Variants in SNAP91 observed in about 807,000 individuals in gnomAD.
SNAP91 encodes synaptosome associated protein 91, also known as clathrin coat assembly protein AP180.
SNAP91 carries 27 observed loss-of-function variants against 100.3 expected under a neutral mutation model. The ratio of observed to expected loss-of-function variants is 0.27; its 90% CI spans 0.20 to 0.37. The LOEUF is 0.37. Among genes scored for constraint, SNAP91 ranks in the 10% least tolerant of loss-of-function variants. SNAP91 has a pLI of 1.00. For missense variants in SNAP91, 986 were observed against 1,123.7 expected, an observed-to-expected ratio of 0.88 and a Z score of 1.75; for synonymous variants, 404 against 398.6, an observed-to-expected ratio of 1.01 and a Z score of -0.16.
rs761023763 is a variant in SNAP91 at position 83,594,431 on chromosome 6, C to T, written c.1375G>A (p.Ala459Thr). 223 of 1,551,726 alleles carry T rather than the reference C, an allele frequency of 1.4e-4. No homozygotes were observed. Among genetic ancestry groups the T allele is most frequent in the Non-Finnish European group, 7.2e-5 (83 of 1,147,178 alleles). Reference protein sequence around the residue: ...GEAPAASEGAAAPATPTPVAA... With the variant: ...GEAPAASEGATAPATPTPVAA... ...ACAGGGGTTGGGGTAGCTGGTGCGGCGGCCCCTTCGGATGCTGCAGGGGCC... is the reference window on the plus strand; with the variant it reads ...ACAGGGGTTGGGGTAGCTGGTGCGGTGGCCCCTTCGGATGCTGCAGGGGCC... The change falls in exon 17 of 30, where the codon GCC (alanine) becomes ACC (threonine). Residue 459 changes from alanine to threonine, a missense_variant. Transcript: ENST00000369694.
intron 26 of SNAP91, among the ~76,000 whole-genome samples, chr6:83,573,612 C>T (rs982564751): frequency 1.3e-5 from 2 of 152,042 alleles, no homozygotes; most frequent in African/African-American, 2.4e-5. Flanking sequence ...AGATATAGAC[C>T]AATGGAACAG....
chr6:83,627,852 TTTATTTAA>T, intron 8 of SNAP91, among the ~76,000 whole-genome samples: 1 of 151,952 alleles, frequency 6.6e-6, no homozygotes, highest in Non-Finnish European at 1.5e-5. Flanking sequence ...CATTTATTTA[TTTATTTAA>T]TTTCCATAGG....
chr6:83,656,923 G>T, intron 6 of SNAP91, 58 bp from the exon 7 acceptor site: 1 of 733,190 alleles, frequency 1.4e-6, no homozygotes, highest in Non-Finnish European at 2.2e-6. Context: ...AATTTTTCTT[G>T]AATCACATTA....
chr6:83,687,365 T>C (rs2099074257), intron 2 of SNAP91, among the ~76,000 whole-genome samples: 1 of 152,216 alleles, frequency 6.6e-6, no homozygotes, highest in African/African-American at 2.4e-5. Context: ...GCCATATGTT[T>C]GTGATGAAAT....
At chr6:83,694,684 T>C (rs1255330440) in intron 2 of SNAP91, among the ~76,000 whole-genome samples, 1 of 152,156 alleles carries the variant, frequency 6.6e-6, no homozygotes, top group Non-Finnish European at 1.5e-5. Flanking sequence ...ATGGAATAGG[T>C]ACTTCACTAC....
chr6:83,586,362 C>A (rs570587619), intron 22 of SNAP91, among the ~76,000 whole-genome samples: 1 of 152,314 alleles, frequency 6.6e-6, no homozygotes, highest in East Asian at 1.9e-4. Context: ...CAAAGGGCCT[C>A]ATAGGCTGGA....
chr6:83,602,299 A>C (rs1439055857), intron 14 of SNAP91, among the ~76,000 whole-genome samples: 1 of 152,206 alleles, frequency 6.6e-6, no homozygotes, highest in Non-Finnish European at 1.5e-5. Context: ...AACAGGAAAA[A>C]AAATGCTATC....
At chr6:83,672,890 C>T (rs1373305138) in intron 2 of SNAP91, among the ~76,000 whole-genome samples, 1 of 152,056 alleles carries the variant, frequency 6.6e-6, no homozygotes, top group African/African-American at 2.4e-5. Context: ...AATTATATGA[C>T]TCTGTAAAAC....
At chr6:83,565,303 C>T (rs1795030223) in intron 26 of SNAP91, among the ~76,000 whole-genome samples, 1 of 152,048 alleles carries the variant, frequency 6.6e-6, no homozygotes, top group African/African-American at 2.4e-5. Context: ...CCCTAATCAG[C>T]CTGAGAGGGC....
chr6:83,558,759 G>A (rs543547704), intron 28 of SNAP91, among the ~76,000 whole-genome samples: 1 of 152,268 alleles, frequency 6.6e-6, no homozygotes, highest in South Asian at 2.1e-4. Flanking sequence ...ATATATTTGA[G>A]CTATTTGCTC....
intron 7 of SNAP91, among the ~76,000 whole-genome samples, chr6:83,654,543 T>C (rs2098335317): frequency 6.6e-6 from 1 of 152,158 alleles, no homozygotes; most frequent in Non-Finnish European, 1.5e-5. Flanking sequence ...GGAGGCTTTA[T>C]GGGGATTAAG....
chr6:83,605,939 A>G, intron 13 of SNAP91, 136 bp from the exon 14 acceptor site: 2 of 781,784 alleles, frequency 2.6e-6, no homozygotes, highest in Non-Finnish European at 4.0e-6. Flanking sequence ...TTTGGAAAGT[A>G]TAGAGCTATA....
chr6:83,651,596 A>G (rs1051538536), intron 7 of SNAP91, among the ~76,000 whole-genome samples: 5 of 152,236 alleles, frequency 3.3e-5, no homozygotes, highest in African/African-American at 1.2e-4. Context: ...TTGTGGTCTG[A>G]GAGCAGATGG....
chr6:83,576,304 C>A (rs1818714986), intron 24 of SNAP91, among the ~76,000 whole-genome samples: 1 of 152,140 alleles, frequency 6.6e-6, no homozygotes, highest in Admixed American at 6.5e-5. Flanking sequence ...GCAAACATAG[C>A]AGGTTTGATG....
At chr6:83,617,300 C>T (rs1205211031) in intron 9 of SNAP91, among the ~76,000 whole-genome samples, 1 of 152,004 alleles carries the variant, frequency 6.6e-6, no homozygotes, top group Admixed American at 6.6e-5. Context: ...ATTGGATAGA[C>T]TTTTACTAAT....
chr6:83,697,487 A>G (rs963087018), intron 2 of SNAP91, among the ~76,000 whole-genome samples: 2 of 152,142 alleles, frequency 1.3e-5, no homozygotes, highest in Non-Finnish European at 2.9e-5. Context: ...TTATGGATAT[A>G]ATTGTTAAAA....
At chr6:83,569,183 TA>T (rs1802226759) in intron 26 of SNAP91, among the ~76,000 whole-genome samples, 1 of 152,200 alleles carries the variant, frequency 6.6e-6, no homozygotes, top group African/African-American at 2.4e-5. Context: ...AAATGCTAAG[TA>T]AAATAAAAGA....
At chr6:83,600,175 G>T (rs1428883380) in intron 16 of SNAP91, among the ~76,000 whole-genome samples, 1 of 152,152 alleles carries the variant, frequency 6.6e-6, no homozygotes, top group Non-Finnish European at 1.5e-5. Context: ...GGACAGCAAG[G>T]CAGCAGAAAA....
intron 9 of SNAP91, among the ~76,000 whole-genome samples, chr6:83,619,900 C>T (rs777517626): frequency 5.3e-5 from 8 of 152,184 alleles, no homozygotes; most frequent in Non-Finnish European, 1.0e-4. Context: ...TTAAAAAAAG[C>T]AATCATAAGA....
Sources: allele counts gnomAD v4.1 joint callset (sites outside exome capture counted in the v4.1 genomes callset), GRCh38; gene constraint gnomAD v4.1.1; transcripts MANE v1.5; gene names NCBI Gene and HGNC (gene_info 2026-07-23, HGNC 2026-07-21).